NRXN3: variants seen among roughly 807,000 people sequenced by gnomAD.
NRXN3 encodes neurexin III.
NRXN3 carries 32 observed loss-of-function variants against 137.6 expected under a neutral mutation model. The ratio of observed to expected loss-of-function variants is 0.23; its 90% CI spans 0.18 to 0.31. NRXN3 has a LOEUF of 0.31. NRXN3 is among the 10% of genes least tolerant of loss of function. NRXN3 has a pLI of 1.00. For synonymous variants in NRXN3, 798 were observed against 784.5 expected, an observed-to-expected ratio of 1.02 and a Z score of -0.29; for missense variants, 1,574 against 2,062.5, an observed-to-expected ratio of 0.76 and a Z score of 4.59.
At chr14:79,771,016 A>C (rs1379446636) in intron 19 of NRXN3, among the ~76,000 whole-genome samples, 1 of 152,258 alleles carries the variant, frequency 6.6e-6, no homozygotes, top group Non-Finnish European at 1.5e-5. Context: ...AATAAACTAG[A>C]AAATCTAGAA....
intron 15 of NRXN3, among the ~76,000 whole-genome samples, chr14:79,292,731 GAATATGTGTGTGTTTGCTTTC>G (rs2153461963): frequency 6.6e-6 from 1 of 152,338 alleles, no homozygotes; most frequent in East Asian, 1.9e-4. Flanking sequence ...CAACTTGAGT[GAATATGTGTGTGTTTGCTTTC>G]ACATGTAGGT....
At chr14:79,285,133 G>A (rs2082032083) in intron 15 of NRXN3, among the ~76,000 whole-genome samples, 1 of 151,890 alleles carries the variant, frequency 6.6e-6, no homozygotes, top group South Asian at 2.1e-4. Flanking sequence ...GTGGAGTAGG[G>A]GCAGCTATAT....
Position 79,547,951 on chromosome 14 carries a change from G to A in NRXN3, c.3444+80549G>A, listed in dbSNP as rs927404545. 1.3e-5 allele frequency among the ~76,000 whole-genome samples: 2 copies of A among 152,042 alleles called. 1 individual carries two copies. The highest frequency in any genetic ancestry group is 4.8e-5 in the African/African-American group (2 of 41,402). On this transcript the variant is annotated intron_variant, in intron 16 of 20. Transcript: ENST00000335750. Reference sequence around the variant, plus strand: ...AACTTTAACAATGCAGGGGAGGAGGGGTGAGAAGAGGCTAGGAGAGGAAGT... The same window carrying A: ...AACTTTAACAATGCAGGGGAGGAGGAGTGAGAAGAGGCTAGGAGAGGAAGT...
At chr14:79,637,578 T>G (rs950105797) in intron 16 of NRXN3, among the ~76,000 whole-genome samples, 3 of 152,122 alleles carry the variant, frequency 2.0e-5, no homozygotes, top group Non-Finnish European at 2.9e-5. Context: ...GTTGTGGGAA[T>G]GACAGCAAAC....
At chr14:79,724,601 A>C (rs541917186) in intron 19 of NRXN3, among the ~76,000 whole-genome samples, 1 of 152,334 alleles carries the variant, frequency 6.6e-6, no homozygotes, top group South Asian at 2.1e-4. Flanking sequence ...TATATAAATC[A>C]AGTAAATCTC....
intron 15 of NRXN3, among the ~76,000 whole-genome samples, chr14:79,389,208 T>C (rs183025033): frequency 6.6e-6 from 1 of 152,310 alleles, no homozygotes; most frequent in Admixed American, 6.5e-5. Context: ...GGGTAATTTG[T>C]AAAGAACAGA....
intron 5 of NRXN3, among the ~76,000 whole-genome samples, chr14:78,648,028 C>T (rs2097703876): frequency 1.3e-5 from 2 of 152,168 alleles, no homozygotes; most frequent in African/African-American, 4.8e-5. Flanking sequence ...CCAAATGGAG[C>T]AGAAGTCTCC....
chr14:78,873,058 G>A lies in NRXN3; in HGVS notation c.2275+62714G>A, dbSNP rs187448184. Among the ~76,000 whole-genome samples the A allele has an allele frequency of 2.8e-4, 42 of 152,172 alleles. No homozygotes were observed. In the East Asian group the frequency reaches 6.8e-3, roughly 24 times the overall value. Reference sequence around the variant, plus strand: ...CTTTTAGTCACTCCATCTGTTTTCAGCCCCACTGCTGGCTCTGCCTTCAGA... The same window carrying A: ...CTTTTAGTCACTCCATCTGTTTTCAACCCCACTGCTGGCTCTGCCTTCAGA... On this transcript the variant is annotated intron_variant, in intron 10 of 20. Transcript: ENST00000335750.
At chr14:78,914,566 C>A (rs1161206082) in intron 10 of NRXN3, among the ~76,000 whole-genome samples, 3 of 151,936 alleles carry the variant, frequency 2.0e-5, no homozygotes, top group African/African-American at 7.3e-5. Flanking sequence ...ATACAGGTGT[C>A]TGCAGGAAAA....
intron 17 of NRXN3, among the ~76,000 whole-genome samples, chr14:79,690,957 G>C (rs2098714353): frequency 6.6e-6 from 1 of 152,072 alleles, no homozygotes; most frequent in Admixed American, 6.6e-5. Flanking sequence ...TTTAATATTG[G>C]TAGTTTGGAA....
chr14:79,080,906 A>T (rs1164988390), intron 15 of NRXN3, among the ~76,000 whole-genome samples: 1 of 152,216 alleles, frequency 6.6e-6, no homozygotes, highest in Non-Finnish European at 1.5e-5. Flanking sequence ...TCTTTTGGCC[A>T]GAAGGAAATA....
intron 4 of NRXN3, among the ~76,000 whole-genome samples, chr14:78,361,800 A>G (rs569337203): frequency 6.6e-6 from 1 of 152,328 alleles, no homozygotes; most frequent in African/African-American, 2.4e-5. Flanking sequence ...TCGACTTCCT[A>G]AAACGGCTCC....
intron 19 of NRXN3, among the ~76,000 whole-genome samples, chr14:79,799,800 G>T (rs2099171421): frequency 6.6e-6 from 1 of 151,988 alleles, no homozygotes; most frequent in Non-Finnish European, 1.5e-5. Flanking sequence ...GCTTCCTCTT[G>T]TCAGAGCATT....
chr14:78,936,860 C>A (rs1318402881), intron 10 of NRXN3, among the ~76,000 whole-genome samples: 1 of 152,004 alleles, frequency 6.6e-6, no homozygotes, highest in East Asian at 1.9e-4. Context: ...CCTTTTCATG[C>A]CTTTGGTCTC....
intron 16 of NRXN3, among the ~76,000 whole-genome samples, chr14:79,509,489 C>T (rs1601428083): frequency 1.3e-5 from 2 of 151,570 alleles, no homozygotes; most frequent in East Asian, 1.9e-4. Context: ...GCTCTACAGC[C>T]TGGCCAATAG....
intron 4 of NRXN3, among the ~76,000 whole-genome samples, chr14:78,377,311 A>G (rs2088064938): frequency 6.6e-6 from 1 of 152,238 alleles, no homozygotes; most frequent in East Asian, 1.9e-4. Flanking sequence ...CCAGAGACAA[A>G]CAGGGACATT....
intron 15 of NRXN3, among the ~76,000 whole-genome samples, chr14:79,214,247 G>A (rs1442297491): frequency 6.6e-6 from 1 of 152,224 alleles, no homozygotes; most frequent in African/African-American, 2.4e-5. Flanking sequence ...CACCTGGAAG[G>A]TTTTCCTCTG....
intron 4 of NRXN3, among the ~76,000 whole-genome samples, chr14:78,322,884 G>A (rs2079557785): frequency 6.6e-6 from 1 of 151,982 alleles, no homozygotes; most frequent in Non-Finnish European, 1.5e-5. Flanking sequence ...AGAATGTCGT[G>A]CTGCTTTCTA....
chr14:78,725,717 TC>T (rs751737114), intron 8 of NRXN3, among the ~76,000 whole-genome samples: 3 of 152,318 alleles, frequency 2.0e-5, no homozygotes, highest in South Asian at 4.1e-4. Flanking sequence ...AGTTTACACA[TC>T]CATATTTTCA....
Sources: allele counts gnomAD v4.1 joint callset (sites outside exome capture counted in the v4.1 genomes callset), GRCh38; gene constraint gnomAD v4.1.1; transcripts MANE v1.5; gene names NCBI Gene and HGNC (gene_info 2026-07-23, HGNC 2026-07-21).